EGFLAM: variants seen among roughly 807,000 people sequenced by gnomAD.
EGFLAM encodes EGF like, fibronectin type III and laminin G domains.
In EGFLAM, 79 loss-of-function variants were observed where a neutral mutation model predicts 113.1. The ratio of observed to expected loss-of-function variants is 0.70; its 90% confidence interval spans 0.58 to 0.84. EGFLAM has a LOEUF of 0.84. Among genes scored for constraint, EGFLAM ranks in the 40% least tolerant of loss-of-function variants. The pLI is 0.00. For synonymous variants in EGFLAM, 504 were observed against 487.6 expected, an observed-to-expected ratio of 1.03 and a Z score of -0.44; for missense variants, 1,265 against 1,291.6, an observed-to-expected ratio of 0.98 and a Z score of 0.32.
chr5:38,427,220 C>G lies in EGFLAM; in HGVS notation c.2022C>G (p.Arg674=). 1 of 1,614,184 alleles carries G rather than the reference C, an allele frequency of 6.2e-7. No individual in the cohort carries two copies. Among genetic ancestry groups the G allele is most frequent in the Non-Finnish European group, 8.5e-7 (1 of 1,180,012 alleles). Residue 674 remains arginine (R), a synonymous_variant, in exon 14 of 22, where the codon CGC becomes CGG. Transcript: ENST00000322350. ...INLAGGHVEF[R]FDCGSGTGVL... The stretch of plus-strand genomic sequence containing the variant: ...TGGCAGGGGGCCACGTGGAGTTCCG[C>G]TTTGACTGTGGCTCTGGGACCGGTG...
In EGFLAM at chr5:38,379,578, A is replaced by T. The variant is rs1034008190; in HGVS notation, c.712+9116A>T. Among the ~76,000 whole-genome samples the T allele has an allele frequency of 2.0e-5, 3 of 152,182 alleles. No homozygotes were observed. The East Asian group carries it at 5.8e-4, about 29-fold the overall frequency. Reference sequence around the variant, plus strand: ...TTTTGGAGGATCAGTCTTCAGGCAGATAAGAGAAGTTCAGAGAAAGCCCCT... The same window carrying T: ...TTTTGGAGGATCAGTCTTCAGGCAGTTAAGAGAAGTTCAGAGAAAGCCCCT... On this transcript the variant is annotated intron_variant, in intron 6 of 21. Coordinates refer to ENST00000322350, the MANE Select transcript of EGFLAM (RefSeq NM_152403.4).
intron 19 of EGFLAM, among the ~76,000 whole-genome samples, chr5:38,453,911 C>T (rs772364379): frequency 2.0e-5 from 3 of 152,232 alleles, no homozygotes; most frequent in Non-Finnish European, 4.4e-5. Flanking sequence ...CCCTCTCCCA[C>T]CTGCTTAGGA....
chr5:38,294,732 C>A (rs1266785016), intron 1 of EGFLAM, among the ~76,000 whole-genome samples: 1 of 152,028 alleles, frequency 6.6e-6, no homozygotes, highest in Non-Finnish European at 1.5e-5. Context: ...CATTCATCTC[C>A]CTTTCCAGAA....
rs1214009312 is a variant in EGFLAM at position 38,435,148 on chromosome 5, A to G, written c.2178A>G (p.Thr726=). 1 of 1,614,000 alleles carries G rather than the reference A, an allele frequency of 6.2e-7. No individual in the cohort carries two copies. Among genetic ancestry groups the G allele is most frequent in the Admixed American group, 1.7e-5 (1 of 60,008 alleles). ...TAATCTTTTGGCAGGGAGGCTTCAC[A>G]CAGATTAAGTGCAACACAGACATTT... is the stretch of plus-strand genomic sequence containing the variant. ...IVEGMAEGGF[T]QIKCNTDIFI... Residue 726 remains threonine (T), a synonymous_variant, in exon 16 of 22, where the codon ACA becomes ACG. Transcript: ENST00000322350.
chr5:38,370,559 C>T, intron 6 of EGFLAM, 97 bp downstream of exon 6: 1 of 1,423,574 alleles, frequency 7.0e-7, no homozygotes. Flanking sequence ...AGAAGGACAG[C>T]CTGGAAAAGG....
intron 5 of EGFLAM, among the ~76,000 whole-genome samples, chr5:38,367,857 T>TA (rs1344165283): frequency 6.6e-6 from 1 of 152,208 alleles, no homozygotes; most frequent in African/African-American, 2.4e-5. Flanking sequence ...GGCAAAATGT[T>TA]AAAGGTTTTG....
intron 5 of EGFLAM, among the ~76,000 whole-genome samples, chr5:38,362,975 T>G (rs1009563086): frequency 2.6e-5 from 4 of 152,240 alleles, no homozygotes; most frequent in African/African-American, 9.6e-5. Flanking sequence ...AAGTGTGCTC[T>G]CCTATTGCCC....
chr5:38,347,446 A>G lies in EGFLAM; in HGVS notation c.292-3055A>G, dbSNP rs571853706. On this transcript the variant is annotated intron_variant, in intron 3 of 21. Transcript: ENST00000322350. ...GTGAGCATTGCTCAGATTGGGGTGC[A>G]CCAAGGACACCAGGGCAGCCTAGAG... Among the ~76,000 whole-genome samples the G allele has an allele frequency of 2.6e-5, 4 of 152,196 alleles. No homozygotes were observed. The South Asian group carries it at 8.3e-4, about 32-fold the overall frequency.
At chr5:38,453,890 A>G (rs1743001059) in intron 19 of EGFLAM, among the ~76,000 whole-genome samples, 1 of 152,192 alleles carries the variant, frequency 6.6e-6, no homozygotes, top group Admixed American at 6.5e-5. Context: ...CCAGCCCTGG[A>G]GAGCCCCCTC....
intron 18 of EGFLAM, among the ~76,000 whole-genome samples, chr5:38,449,194 C>T (rs1203336703): frequency 6.6e-6 from 1 of 152,216 alleles, no homozygotes. Context: ...TTTCCTTCCT[C>T]TTCAGATTGA....
At chr5:38,330,833 T>C (rs981181429) in intron 1 of EGFLAM, among the ~76,000 whole-genome samples, 11 of 152,200 alleles carry the variant, frequency 7.2e-5, no homozygotes, top group Admixed American at 2.6e-4. Flanking sequence ...TTTAAGACTA[T>C]GTTAGAATAG....
chr5:38,271,144 T>G (rs1757755260), intron 1 of EGFLAM, among the ~76,000 whole-genome samples: 1 of 142,698 alleles, frequency 7.0e-6, no homozygotes, highest in Non-Finnish European at 1.6e-5. Flanking sequence ...TTGGACTTTG[T>G]ACAAAATCAA....
intron 5 of EGFLAM, among the ~76,000 whole-genome samples, chr5:38,357,008 C>T (rs1739779648): frequency 6.6e-6 from 1 of 152,184 alleles, no homozygotes; most frequent in African/African-American, 2.4e-5. Flanking sequence ...ATAAAAAAAG[C>T]CCAGGAGGTC....
chr5:38,414,881 T>A (rs1297294147), intron 11 of EGFLAM, among the ~76,000 whole-genome samples: 1 of 152,026 alleles, frequency 6.6e-6, no homozygotes, highest in African/African-American at 2.4e-5. Flanking sequence ...CACCTAATCA[T>A]ACAAAGGGAC....
chr5:38,342,455 T>A (rs781437596), intron 3 of EGFLAM, among the ~76,000 whole-genome samples: 1 of 152,188 alleles, frequency 6.6e-6, no homozygotes, highest in Non-Finnish European at 1.5e-5. Flanking sequence ...GTTTTCTGGA[T>A]TGAATGCTAA....
rs560315134 is a variant in EGFLAM at position 38,338,075 on chromosome 5, T to C, written c.207+446T>C. On this transcript the variant is annotated intron_variant, in intron 2 of 21. Transcript: ENST00000322350. ...TCAGAGGCTGCAAGTTGGGCTGATA[T>C]CATTTCACCAAAATGTTTTCTTTGA... Among the ~76,000 whole-genome samples the C allele has an allele frequency of 6.0e-4, 92 of 152,324 alleles. 1 individual carries two copies. The highest frequency in any genetic ancestry group is 1.7e-3 in the African/African-American group (71 of 41,570).
At chr5:38,282,823 G>T (rs147548805) in intron 1 of EGFLAM, among the ~76,000 whole-genome samples, 1 of 152,026 alleles carries the variant, frequency 6.6e-6, no homozygotes, top group African/African-American at 2.4e-5. Context: ...TTCCCAACCT[G>T]CATTGAGTTT....
At chr5:38,277,152 A>G (rs2111739072) in intron 1 of EGFLAM, among the ~76,000 whole-genome samples, 3 of 152,308 alleles carry the variant, frequency 2.0e-5, no homozygotes, top group Admixed American at 2.0e-4. Context: ...AAACTTGAAT[A>G]CAGAAATATT....
At chr5:38,444,650 A>G (rs960541596) in intron 17 of EGFLAM, among the ~76,000 whole-genome samples, 6 of 152,190 alleles carry the variant, frequency 3.9e-5, no homozygotes, top group Admixed American at 1.3e-4. Context: ...TTAGGTTAAA[A>G]TATAATCATG....
Sources: gnomAD v4.1 joint callset for allele counts (sites outside exome capture counted in the v4.1 genomes callset) on GRCh38, gnomAD v4.1.1 for gene constraint, MANE v1.5 for transcripts, NCBI Gene and HGNC (gene_info 2026-07-23, HGNC 2026-07-21) for gene names.